Variants in MAPT observed in about 807,000 individuals in gnomAD.
The protein encoded by MAPT is microtubule associated protein tau, also known as microtubule-associated protein tau.
Under a neutral mutation model 67.9 loss-of-function variants are expected in MAPT, and 34 were observed. The ratio of observed to expected loss-of-function variants is 0.50; its 90% confidence interval spans 0.38 to 0.67. MAPT has a LOEUF of 0.67. Ranked by LOEUF, MAPT falls within the 30% of genes least tolerant of loss-of-function variation. MAPT has a pLI of 0.00. For missense variants in MAPT, 881 were observed against 1,115.2 expected, an observed-to-expected ratio of 0.79 and a Z score of 2.99; for synonymous variants, 456 against 464.5, an observed-to-expected ratio of 0.98 and a Z score of 0.23.
intron 1 of MAPT, among the ~76,000 whole-genome samples, chr17:45,907,481 A>G (rs1371077018): frequency 6.6e-6 from 1 of 152,144 alleles, no homozygotes; most frequent in Admixed American, 6.5e-5. Flanking sequence ...ACTGTGTCTT[A>G]TGTGACTTTC....
Position 46,018,611 on chromosome 17 carries a change from G to GT in MAPT, c.2174-5dup. The GT allele has an allele frequency of 6.3e-7, 1 of 1,593,356 alleles. No individual in the cohort carries two copies. Among genetic ancestry groups the GT allele is most frequent in the Non-Finnish European group, 8.6e-7 (1 of 1,161,090 alleles). ...GGCAAGATGCTCTTGTGTGTGTTGT[G>GT]TTCTAGGAGGTGGCCAGGTGGAAGT... On this transcript the variant is annotated splice_polypyrimidine_tract_variant and splice_region_variant and intron_variant, in intron 11 of 12. Transcript: ENST00000262410.
At chr17:45,961,288 C>T (rs941297339) in intron 1 of MAPT, among the ~76,000 whole-genome samples, 2 of 152,192 alleles carry the variant, frequency 1.3e-5, no homozygotes, top group Non-Finnish European at 2.9e-5. Context: ...CTCTGTTGAG[C>T]TGAAGTGGCA....
chr17:45,999,543 T>C (rs758821631), intron 9 of MAPT: 1 of 1,613,580 alleles, frequency 6.2e-7, no homozygotes, highest in Non-Finnish European at 8.5e-7. Context: ...GGAATGGGGC[T>C]GAGCAGGGAA....
intron 1 of MAPT, among the ~76,000 whole-genome samples, chr17:45,904,315 A>T (rs2064095705): frequency 3.6e-5 from 2 of 55,180 alleles, no homozygotes; most frequent in Non-Finnish European, 7.2e-5. Flanking sequence ...ATATAAAAAC[A>T]TATATAATAT....
intron 4 of MAPT, 38 bp downstream of exon 4, chr17:45,978,478 T>TGGGGGGTG: frequency 2.1e-5 from 18 of 865,154 alleles, no homozygotes; most frequent in Middle Eastern, 2.4e-4. Flanking sequence ...ACTTGGGGGT[T>TGGGGGGTG]GGGGGGAGGG....
chr17:45,965,233 C>G (rs2070930067), intron 2 of MAPT, among the ~76,000 whole-genome samples: 1 of 151,902 alleles, frequency 6.6e-6, no homozygotes, highest in South Asian at 2.1e-4. Context: ...AGTTCGAGAC[C>G]AGCCTGGCCA....
chr17:46,017,132 C>G (rs1458765185), intron 11 of MAPT, among the ~76,000 whole-genome samples: 4 of 152,216 alleles, frequency 2.6e-5, no homozygotes, highest in Non-Finnish European at 5.9e-5. Context: ...GAAAGTATTC[C>G]ACAAGTGGTG....
chr17:45,949,097 C>T (rs2068794318), intron 1 of MAPT, among the ~76,000 whole-genome samples: 1 of 152,254 alleles, frequency 6.6e-6, no homozygotes, highest in Admixed American at 6.5e-5. Context: ...CTTCCCTGTC[C>T]TTGATTCCAG....
In MAPT at chr17:46,026,250, C is replaced by T. The variant is rs17652748; in HGVS notation, c.*2079C>T. On this transcript the variant is annotated 3_prime_UTR_variant, in exon 13 of 13. Transcript: ENST00000262410. Reference sequence around the variant, plus strand: ...AAGTTTTGAAAGGCTTTCCTCAGCACCTGGGACCCAACAGAGACCAGCTTC... The same window carrying T: ...AAGTTTTGAAAGGCTTTCCTCAGCATCTGGGACCCAACAGAGACCAGCTTC... The T allele has an allele frequency of 0.14, 21,803 of 152,742 alleles. 2,128 individuals are homozygous for T. Among genetic ancestry groups the T allele is most frequent in the Non-Finnish European group, 0.22 (14,752 of 68,096 alleles). The allele number at this position is 152,742 out of a possible 1,614,324, so 9.5% of individuals were successfully genotyped here.
intron 1 of MAPT, among the ~76,000 whole-genome samples, chr17:45,932,353 G>A (rs975346833): frequency 3.9e-5 from 6 of 152,144 alleles, no homozygotes; most frequent in African/African-American, 7.2e-5. Context: ...GACTTTGGGA[G>A]GCTGAGGCAG....
At chr17:45,941,693 TCCTTCCTG>T (rs1340678859) in intron 1 of MAPT, among the ~76,000 whole-genome samples, 3 of 73,912 alleles carry the variant, frequency 4.1e-5, no homozygotes, top group Non-Finnish European at 7.7e-5. Flanking sequence ...CTTCCTTCCT[TCCTTCCTG>T]CCTGCCTTCC....
intron 9 of MAPT, among the ~76,000 whole-genome samples, chr17:45,997,960 C>T (rs936293655): frequency 3.3e-5 from 5 of 152,118 alleles, no homozygotes; most frequent in Non-Finnish European, 5.9e-5. Context: ...ACCCCGCTCC[C>T]GCCACCCAGC....
intron 1 of MAPT, among the ~76,000 whole-genome samples, chr17:45,941,660 TTCCC>T: frequency 1.2e-5 from 1 of 84,768 alleles, no homozygotes; most frequent in African/African-American, 5.5e-5. Flanking sequence ...CCTTCCACCC[TTCCC>T]CCCTTCCCCC....
intron 9 of MAPT, among the ~76,000 whole-genome samples, chr17:45,997,483 G>A (rs1385576607): frequency 6.6e-6 from 1 of 152,220 alleles, no homozygotes; most frequent in Non-Finnish European, 1.5e-5. Context: ...ATGGCAGCTG[G>A]GCGTAGTGGC....
chr17:46,020,111 A>G (rs1349224975), intron 12 of MAPT, among the ~76,000 whole-genome samples: 1 of 152,084 alleles, frequency 6.6e-6, no homozygotes, highest in Non-Finnish European at 1.5e-5. Flanking sequence ...GTGGCGCACC[A>G]AGAACAAGTC....
At chr17:45,952,574 C>T (rs2069192380) in intron 1 of MAPT, among the ~76,000 whole-genome samples, 1 of 152,198 alleles carries the variant, frequency 6.6e-6, no homozygotes, top group African/African-American at 2.4e-5. Flanking sequence ...CGCTTGAGCC[C>T]TGGGGTTCAT....
chr17:45,919,299 G>A (rs2065473218), intron 1 of MAPT, among the ~76,000 whole-genome samples: 1 of 152,066 alleles, frequency 6.6e-6, no homozygotes, highest in Non-Finnish European at 1.5e-5. Flanking sequence ...GACCGATTGT[G>A]TTCTCACTTA....
intron 1 of MAPT, among the ~76,000 whole-genome samples, chr17:45,954,857 G>C (rs938976155): frequency 6.6e-6 from 1 of 151,790 alleles, no homozygotes; most frequent in Non-Finnish European, 1.5e-5. Context: ...AGTGGCGGGC[G>C]CCTGTAGTCC....
chr17:45,974,520 G>A, intron 3 of MAPT: 3 of 1,448,824 alleles, frequency 2.1e-6, no homozygotes, highest in Non-Finnish European at 2.9e-6. Context: ...CCTGCTGGGT[G>A]CCCCAGCTGA....
Sources: gnomAD v4.1 joint callset for allele counts (sites outside exome capture counted in the v4.1 genomes callset) on GRCh38, gnomAD v4.1.1 for gene constraint, MANE v1.5 for transcripts, NCBI Gene and HGNC (gene_info 2026-07-23, HGNC 2026-07-21) for gene names.